WTAP: variants seen among roughly 807,000 people sequenced by gnomAD.
WTAP encodes the protein WT1 associated protein, also known as pre-mRNA-splicing regulator WTAP.
WTAP carries 8 observed loss-of-function variants against 50.0 expected under a neutral mutation model. The ratio of observed to expected loss-of-function variants is 0.16; its 90% confidence interval spans 0.09 to 0.29. WTAP has a LOEUF of 0.29. Ranked by LOEUF, WTAP falls within the 10% of genes least tolerant of loss-of-function variation. The pLI is 1.00. For synonymous variants in WTAP, 194 were observed against 169.0 expected (o/e 1.15, Z -1.15); for missense variants, 295 against 470.7 (o/e 0.63, Z 3.45).
chr6:159,754,300 T>TTA lies in WTAP; in HGVS notation c.607+690_607+691dup, dbSNP rs1355203619. ...ATTATTTCCTGTGACTTTTGTCCTT[T>TTA]TATATGTAACAGTCCTTGGTTGAGA... On this transcript the variant is annotated intron_variant, in intron 7 of 7. Coordinates refer to ENST00000621533, the MANE Select transcript of WTAP (RefSeq NM_001270531.2). Among the ~76,000 whole-genome samples, 4 of 152,316 alleles carry TTA rather than the reference T, an allele frequency of 2.6e-5. No homozygotes were observed. In the East Asian group the frequency reaches 7.7e-4, roughly 29 times the overall value.
chr6:159,736,364 A>T (rs1778915705), intron 2 of WTAP, 69 bp downstream of exon 2: 3 of 1,240,640 alleles, frequency 2.4e-6, no homozygotes, highest in South Asian at 1.3e-5. Flanking sequence ...AAGCACTTTA[A>T]AAAAAAATAG....
intron 1 of WTAP, among the ~76,000 whole-genome samples, chr6:159,733,136 TAATAAACTG>T (rs959904613): frequency 6.3e-4 from 95 of 151,776 alleles, no homozygotes; most frequent in African/African-American, 2.3e-3. Context: ...GCAGCAGAGA[TAATAAACTG>T]GGCAACAAGG....
intron 1 of WTAP, among the ~76,000 whole-genome samples, chr6:159,728,688 A>T (rs1435936498): frequency 6.6e-6 from 1 of 152,230 alleles, no homozygotes; most frequent in Non-Finnish European, 1.5e-5. Context: ...TTCAAGATGG[A>T]TACATTTTAA....
chr6:159,755,702 T>C lies in WTAP; in HGVS notation c.*91T>C. The stretch of plus-strand genomic sequence containing the variant: ...ATGCATACTTTTGTCACAATTTGCC[T>C]TTTTGTGGGTGTACGTTTTGGTTTT... On this transcript the variant is annotated 3_prime_UTR_variant, in exon 8 of 8. Transcript: ENST00000621533. The C allele has an allele frequency of 7.7e-7, 1 of 1,297,678 alleles. No homozygotes were observed. The highest frequency in any genetic ancestry group is 9.8e-7 in the Non-Finnish European group (1 of 1,024,802). The allele number at this position is 1,297,678 out of a possible 1,614,324, so 80.4% of individuals were successfully genotyped here.
chr6:159,727,315 C>A (rs757965677), upstream of WTAP: 4 of 1,273,480 alleles, frequency 3.1e-6, no homozygotes, highest in South Asian at 1.3e-5. Flanking sequence ...TGCGGCCACG[C>A]CTGAAAGGCG....
At chr6:159,727,374 T>TGGCAGGAGGTGGGAGGCGGGA, upstream of WTAP, 1 of 1,032,512 alleles carries the variant, frequency 9.7e-7, no homozygotes, top group Non-Finnish European at 1.2e-6. Flanking sequence ...GCGGGGAGGC[T>TGGCAGGAGGTGGGAGGCGGGA]GGCGGGAGGC....
chr6:159,738,705 C>G (rs1255236859), intron 2 of WTAP, among the ~76,000 whole-genome samples: 1 of 152,140 alleles, frequency 6.6e-6, no homozygotes, highest in African/African-American at 2.4e-5. Context: ...TGAATCCTCA[C>G]CAGCGTTTGG....
In WTAP at chr6:159,748,580, C is replaced by T; in HGVS notation, c.452+211C>T. ...TCAGCTTTTTTCTTTTCCCCTTCCC[C>T]TTGCTTCAGAGGCCTGATGGCGTCG... On this transcript the variant is annotated intron_variant, in intron 6 of 7. Transcript: ENST00000621533. The surrounding 1 kb of genome is among the most constrained non-coding windows in gnomAD (Gnocchi z 5.6). The T allele has an allele frequency of 7.3e-7, 1 of 1,364,362 alleles. No homozygotes were observed. The highest frequency in any genetic ancestry group is 2.7e-5 in the East Asian group (1 of 37,512). The allele number at this position is 1,364,362 out of a possible 1,614,324, so 84.5% of individuals were successfully genotyped here. A position where few individuals can be genotyped will look rare whatever the true frequency, so the allele number is the denominator to read the frequency against.
chr6:159,737,784 C>A (rs1281077997), intron 2 of WTAP, among the ~76,000 whole-genome samples: 2 of 152,194 alleles, frequency 1.3e-5, no homozygotes, highest in Non-Finnish European at 2.9e-5. Flanking sequence ...CAATGCCCAG[C>A]CAAAGCCTTA....
chr6:159,746,888 TA>T (rs1372346177), intron 5 of WTAP, among the ~76,000 whole-genome samples: 2 of 152,212 alleles, frequency 1.3e-5, no homozygotes, highest in Non-Finnish European at 2.9e-5. Context: ...TGGGTCTTTG[TA>T]AAGCTAAATA....
Position 159,727,549 on chromosome 6 carries a change from G to A in WTAP, c.-163G>A. On this transcript the variant is annotated 5_prime_UTR_variant, in exon 1 of 8. Transcript: ENST00000621533. ...GTGGCAGCGAGACCCACAAATAAAG[G>A]GGAGCGCAGGGGTTGCGGCGGGACT... The A allele has an allele frequency of 1.0e-6, 1 of 989,184 alleles. No individual in the cohort carries two copies. The highest frequency in any genetic ancestry group is 1.2e-6 in the Non-Finnish European group (1 of 832,808). The allele number at this position is 989,184 out of a possible 1,614,324, so 61.3% of individuals were successfully genotyped here.
intron 1 of WTAP, among the ~76,000 whole-genome samples, chr6:159,732,881 T>C (rs1778667257): frequency 8.9e-6 from 1 of 112,252 alleles, no homozygotes; most frequent in Admixed American, 9.5e-5. Context: ...TCTGTATATA[T>C]ATATAGTGTG....
Position 159,744,722 on chromosome 6 carries a change from C to A in WTAP, c.273+930C>A, listed in dbSNP as rs532767314. Among the ~76,000 whole-genome samples the A allele has an allele frequency of 5.4e-5, 8 of 148,856 alleles. No homozygotes were observed. In the South Asian group the frequency reaches 1.5e-3, roughly 27 times the overall value. On this transcript the variant is annotated intron_variant, in intron 5 of 7. Transcript: ENST00000621533. ...TTTCTTTACTTTTTTTTCCCACTAACCCCCCCGCCCTTTTCTTGAGACAGG... is the reference window on the plus strand; with the variant it reads ...TTTCTTTACTTTTTTTTCCCACTAAACCCCCCGCCCTTTTCTTGAGACAGG...
intron 1 of WTAP, among the ~76,000 whole-genome samples, chr6:159,731,155 A>T (rs899533575): frequency 4.0e-5 from 6 of 151,660 alleles, no homozygotes; most frequent in Admixed American, 3.9e-4. Flanking sequence ...AAAAGAAAAA[A>T]AGAAAAGAAA....
chr6:159,745,789 C>CA (rs1368882063), intron 5 of WTAP, among the ~76,000 whole-genome samples: 1 of 152,054 alleles, frequency 6.6e-6, no homozygotes, highest in African/African-American at 2.4e-5. Context: ...GCAGGAAAAC[C>CA]AATTGTGAGG....
chr6:159,748,466 TC>T lies in WTAP; in HGVS notation c.452+98del. The stretch of plus-strand genomic sequence containing the variant: ...CAAGTACTCGTTTCCACACCAAGAC[TC>T]AGACTTTTTGAGCCAAAAAAAAGCC... On this transcript the variant is annotated intron_variant, in intron 6 of 7. Coordinates refer to ENST00000621533, the MANE Select transcript of WTAP (RefSeq NM_001270531.2). This position sits in a 1 kb window ranked among gnomAD's most constrained non-coding sequence, Gnocchi z 5.6. The T allele has an allele frequency of 6.6e-7, 1 of 1,523,484 alleles. No individual in the cohort carries two copies. Among genetic ancestry groups the T allele is most frequent in the Non-Finnish European group, 8.8e-7 (1 of 1,137,128 alleles). The allele number at this position is 1,523,484 out of a possible 1,614,324, so 94.4% of individuals were successfully genotyped here. A position where few individuals can be genotyped will look rare whatever the true frequency, so the allele number is the denominator to read the frequency against.
chr6:159,726,889 C>T (rs916319841), upstream of WTAP: 6 of 1,289,190 alleles, frequency 4.7e-6, no homozygotes, highest in Non-Finnish European at 6.1e-6. Context: ...CCGCGGCTCG[C>T]CGCCCACGGC....
Position 159,728,572 on chromosome 6 carries a change from T to G in WTAP, c.-9+869T>G, listed in dbSNP as rs528100469. 8.7e-4 allele frequency among the ~76,000 whole-genome samples: 133 copies of G among 152,372 alleles called. 2 individuals carry two copies. The highest frequency in any genetic ancestry group is 3.1e-3 in the African/African-American group (128 of 41,592). Reference sequence around the variant, plus strand: ...GTGGACGTCATAGATCCATCGCAAGTTCTCGTTTTTTGGATTTTAAAATTT... The same window carrying G: ...GTGGACGTCATAGATCCATCGCAAGGTCTCGTTTTTTGGATTTTAAAATTT... On this transcript the variant is annotated intron_variant, in intron 1 of 7. Coordinates refer to ENST00000621533, the MANE Select transcript of WTAP (RefSeq NM_001270531.2).
intron 1 of WTAP, chr6:159,731,039 G>C (rs1476498762): frequency 6.6e-6 from 1 of 152,410 alleles, no homozygotes; most frequent in Non-Finnish European, 1.5e-5. Flanking sequence ...TCCTTGGGAG[G>C]CTGAGGCAGT....
Sources: gnomAD v4.1 joint callset for allele counts (sites outside exome capture counted in the v4.1 genomes callset) on GRCh38, gnomAD v4.1.1 for gene constraint, Gnocchi (gnomAD v3.1) non-coding constraint, MANE v1.5 for transcripts, NCBI Gene and HGNC (gene_info 2026-07-23, HGNC 2026-07-21) for gene names.